Variants in FAT3 observed in about 807,000 individuals in gnomAD.
FAT3 encodes the protein protocadherin Fat 3.
In FAT3, 95 loss-of-function variants were observed where a neutral mutation model predicts 310.2. That is an observed-to-expected ratio of 0.31 (90% CI 0.26 to 0.36). FAT3 has a LOEUF of 0.36. FAT3 is among the 10% of genes least tolerant of loss of function. The pLI, the probability that FAT3 is intolerant of heterozygous loss-of-function variation, is 1.00. For missense variants in FAT3, 5,408 were observed against 5,715.6 expected (o/e 0.95, Z 1.74); for synonymous variants, 2,314 against 2,192.9 (o/e 1.06, Z -1.54).
intron 3 of FAT3, among the ~76,000 whole-genome samples, chr11:92,604,421 A>G (rs1392692137): frequency 6.6e-6 from 1 of 152,194 alleles, no homozygotes; most frequent in East Asian, 1.9e-4. Flanking sequence ...TAAATGACAC[A>G]AGGATTATCT....
chr11:92,487,774 C>G (rs916741740), intron 2 of FAT3, among the ~76,000 whole-genome samples: 5 of 152,188 alleles, frequency 3.3e-5, no homozygotes, highest in South Asian at 2.1e-4. Flanking sequence ...GCTCCCAGTT[C>G]TTATGACCCT....
chr11:92,432,010 A>G (rs1256731184), intron 2 of FAT3, among the ~76,000 whole-genome samples: 1 of 152,158 alleles, frequency 6.6e-6, no homozygotes, highest in African/African-American at 2.4e-5. Context: ...ATGAACTTTA[A>G]GTAGTTTTTT....
intron 3 of FAT3, among the ~76,000 whole-genome samples, chr11:92,553,675 CCCTTCCTTCCTTCCTTCCTT>C (rs55981814): frequency 6.5e-5 from 7 of 108,256 alleles, no homozygotes; most frequent in Admixed American, 4.0e-4. Flanking sequence ...GAATCTCCGT[CCCTTCCTTCCTTCCTTCCTT>C]CCTTCCTTCC....
intron 2 of FAT3, among the ~76,000 whole-genome samples, chr11:92,369,393 T>C (rs1949122064): frequency 6.6e-6 from 1 of 152,198 alleles, no homozygotes; most frequent in Non-Finnish European, 1.5e-5. Context: ...CAAAGAAACC[T>C]GGTTAGACCA....
chr11:92,258,793 G>A (rs561516584), intron 1 of FAT3, among the ~76,000 whole-genome samples: 2 of 152,056 alleles, frequency 1.3e-5, no homozygotes, highest in Admixed American at 6.6e-5. Flanking sequence ...AAGAGATGCA[G>A]TAGAGGCTGG....
chr11:92,763,924 T>C (rs1173146519), intron 5 of FAT3, among the ~76,000 whole-genome samples: 1 of 152,296 alleles, frequency 6.6e-6, no homozygotes, highest in Non-Finnish European at 1.5e-5. Flanking sequence ...CATGAACACA[T>C]AGCATGAGGG....
chr11:92,328,209 C>A (rs1431019573), intron 1 of FAT3, among the ~76,000 whole-genome samples: 1 of 152,146 alleles, frequency 6.6e-6, no homozygotes, highest in Non-Finnish European at 1.5e-5. Flanking sequence ...AACTCCCTAC[C>A]TCCTGTCAAC....
chr11:92,590,974 C>G (rs1253093244), intron 3 of FAT3, among the ~76,000 whole-genome samples: 1 of 152,096 alleles, frequency 6.6e-6, no homozygotes, highest in Non-Finnish European at 1.5e-5. Flanking sequence ...ATTTTCACCA[C>G]TGGACAGACA....
intron 1 of FAT3, among the ~76,000 whole-genome samples, chr11:92,300,461 AG>A (rs1946970186): frequency 6.6e-6 from 1 of 152,178 alleles, no homozygotes; most frequent in African/African-American, 2.4e-5. Flanking sequence ...GAAACTTTAC[AG>A]GAAGGCAGAT....
At chr11:92,697,557 A>G in intron 4 of FAT3, 112 bp downstream of exon 4, 1 of 1,051,772 alleles carries the variant, frequency 9.5e-7, no homozygotes, top group South Asian at 1.4e-5. Context: ...ATCAAAGTGA[A>G]GATATTTCTC....
At chr11:92,641,282 T>C (rs1941954268) in intron 3 of FAT3, among the ~76,000 whole-genome samples, 1 of 152,244 alleles carries the variant, frequency 6.6e-6, no homozygotes. Flanking sequence ...TGTATTTATA[T>C]ATTTATTTAA....
intron 2 of FAT3, among the ~76,000 whole-genome samples, chr11:92,463,468 A>T (rs1011512440): frequency 6.6e-6 from 1 of 152,180 alleles, no homozygotes; most frequent in Non-Finnish European, 1.5e-5. Flanking sequence ...TACCTGTAAA[A>T]TGGGGTTGAA....
At chr11:92,449,745 T>C (rs1951309591) in intron 2 of FAT3, among the ~76,000 whole-genome samples, 1 of 152,138 alleles carries the variant, frequency 6.6e-6, no homozygotes, top group African/African-American at 2.4e-5. Context: ...TTTCTCAGAA[T>C]TGAAAAAATT....
chr11:92,605,457 C>A (rs1292744575), intron 3 of FAT3, among the ~76,000 whole-genome samples: 1 of 152,140 alleles, frequency 6.6e-6, no homozygotes, highest in Admixed American at 6.5e-5. Flanking sequence ...ACAGACATGA[C>A]CTCTGCCCTA....
chr11:92,378,799 G>A (rs72970578), intron 2 of FAT3, among the ~76,000 whole-genome samples: 4,269 of 152,296 alleles, frequency 0.028, 75 homozygotes, highest in Non-Finnish European at 0.03. Context: ...GACAGATTCA[G>A]TGTCTGGTGA....
intron 2 of FAT3, among the ~76,000 whole-genome samples, chr11:92,393,019 C>T (rs2134822269): frequency 6.6e-6 from 1 of 152,152 alleles, no homozygotes; most frequent in Admixed American, 6.5e-5. Context: ...TGTCTGATCC[C>T]ATCTCTGAGT....
At chr11:92,616,413 G>T (rs1172490945) in intron 3 of FAT3, among the ~76,000 whole-genome samples, 1 of 152,036 alleles carries the variant, frequency 6.6e-6, no homozygotes, top group Non-Finnish European at 1.5e-5. Context: ...GACACTGATG[G>T]GTCTTGACTC....
At chr11:92,322,222 A>G (rs1947639036) in intron 1 of FAT3, among the ~76,000 whole-genome samples, 1 of 152,220 alleles carries the variant, frequency 6.6e-6, no homozygotes. Context: ...CCCAGTGCAT[A>G]TGAAAGTAAG....
chr11:92,420,111 A>G (rs529211016), intron 2 of FAT3, among the ~76,000 whole-genome samples: 1 of 152,318 alleles, frequency 6.6e-6, no homozygotes, highest in East Asian at 1.9e-4. Flanking sequence ...TTTTAACGGA[A>G]CACAGGTTTT....
Sources: allele counts gnomAD v4.1 joint callset (sites outside exome capture counted in the v4.1 genomes callset), GRCh38; gene constraint gnomAD v4.1.1; transcripts MANE v1.5; gene names NCBI Gene and HGNC (gene_info 2026-07-23, HGNC 2026-07-21).